The following KDM3B variants were observed in gnomAD, a reference collection of about 807,000 sequenced individuals.
The protein encoded by KDM3B is lysine demethylase 3B, also known as lysine-specific demethylase 3B.
Under a neutral mutation model 170.0 loss-of-function variants are expected in KDM3B, and 10 were observed. The observed-to-expected ratio is 0.06, with a 90% CI of 0.04 to 0.10. The LOEUF (loss-of-function observed/expected upper bound fraction) is 0.10. Among genes scored for constraint, KDM3B ranks in the 10% least tolerant of loss-of-function variants. The pLI, the probability that KDM3B is intolerant of heterozygous loss-of-function variation, is 1.00. For missense variants in KDM3B, 1,394 were observed against 2,195.2 expected (o/e 0.64, Z 7.29); for synonymous variants, 831 against 834.8 (o/e 1.00, Z 0.08).
At chr5:138,375,234 C>G (rs761527411) in intron 3 of KDM3B, 28 bp downstream of exon 3, 1 of 1,460,924 alleles carries the variant, frequency 6.8e-7, no homozygotes, top group South Asian at 1.2e-5. Context: ...TAGTCTTGAG[C>G]CTATTATTTT....
chr5:138,406,480 C>T (rs892611203), intron 11 of KDM3B, among the ~76,000 whole-genome samples: 2 of 152,120 alleles, frequency 1.3e-5, no homozygotes, highest in African/African-American at 4.8e-5. Flanking sequence ...CCTGTCTCTA[C>T]TAAAAATACA....
chr5:138,432,805 C>A (rs73259805), intron 23 of KDM3B, among the ~76,000 whole-genome samples: 2 of 151,812 alleles, frequency 1.3e-5, no homozygotes, highest in African/African-American at 4.8e-5. Context: ...AGTGCAGTGG[C>A]GTGATCTCGG....
At chr5:138,372,158 C>T (rs72803854) in intron 1 of KDM3B, among the ~76,000 whole-genome samples, 26 of 152,214 alleles carry the variant, frequency 1.7e-4, no homozygotes, top group Non-Finnish European at 3.7e-4. Flanking sequence ...AATGGGAGGG[C>T]AATGTTTTTC....
At chr5:138,373,439 T>C (rs1761922552) in intron 2 of KDM3B, among the ~76,000 whole-genome samples, 1 of 152,180 alleles carries the variant, frequency 6.6e-6, no homozygotes, top group African/African-American at 2.4e-5. Flanking sequence ...AGTTTTTTTT[T>C]CAATTATGGA....
chr5:138,393,296 C>T lies in KDM3B; in HGVS notation c.2755C>T (p.Leu919=), dbSNP rs899549364. 1 of 1,614,102 alleles carries T rather than the reference C, an allele frequency of 6.2e-7. No individual in the cohort carries two copies. Among genetic ancestry groups the T allele is most frequent in the African/African-American group, 1.3e-5 (1 of 74,936 alleles). The change falls in exon 9 of 24, where the codon CTG becomes TTG. Residue 919 remains leucine (L), a synonymous_variant. Coordinates refer to ENST00000314358, the MANE Select transcript of KDM3B (RefSeq NM_016604.4). ...TCTGCACAAGTGTCGTGAATGCCGCCTGGAGCGGTACCGGAAGTTTAAGGA... is the reference window on the plus strand; with the variant it reads ...TCTGCACAAGTGTCGTGAATGCCGCTTGGAGCGGTACCGGAAGTTTAAGGA... ...PHLHKCRECR[L]ERYRKFKEQE... is the part of the protein sequence containing the mutation.
Position 138,392,734 on chromosome 5 carries a change from C to T in KDM3B, c.2630-437C>T, listed in dbSNP as rs182437908. ...GGATTTTAACAGCTCTATCAAAATC[C>T]ATTAACTTGTGTGGTGTGAGGTTAT... On this transcript the variant is annotated intron_variant, in intron 8 of 23. Coordinates refer to ENST00000314358, the MANE Select transcript of KDM3B (RefSeq NM_016604.4). 1.4e-4 allele frequency among the ~76,000 whole-genome samples: 22 copies of T among 152,212 alleles called. 1 individual carries two copies. The highest frequency in any genetic ancestry group is 3.9e-4 in the African/African-American group (16 of 41,524).
intron 23 of KDM3B, among the ~76,000 whole-genome samples, chr5:138,434,201 G>A (rs760769555): frequency 3.9e-5 from 6 of 152,050 alleles, no homozygotes; most frequent in Non-Finnish European, 8.8e-5. Flanking sequence ...AAGCTCTCGT[G>A]ACCTATGATC....
At chr5:138,400,148 T>C (rs1762645771) in intron 11 of KDM3B, 136 bp downstream of exon 11, 1 of 777,244 alleles carries the variant, frequency 1.3e-6, no homozygotes, top group African/African-American at 1.7e-5. Flanking sequence ...TTTGTTGTAT[T>C]TTAAGACCTT....
At chr5:138,408,539 A>G (rs993265066) in intron 11 of KDM3B, among the ~76,000 whole-genome samples, 1 of 152,136 alleles carries the variant, frequency 6.6e-6, no homozygotes, top group Non-Finnish European at 1.5e-5. Flanking sequence ...CTTTCAGAAA[A>G]TGGGAGGAAG....
In KDM3B at chr5:138,398,298, A is replaced by G. The variant is rs762327017; in HGVS notation, c.2952A>G (p.Leu984=). The change falls in exon 10 of 24, where the codon CTA becomes CTG. Residue 984 remains leucine, a synonymous_variant. Transcript: ENST00000314358. ...CCTCCCTAGCAGAAGGGATAGATCT[A>G]GAGACCTCAAAATACATCCTGGCCA... ...PSSSLAEGID[L]ETSKYILANV... 4.3e-6 allele frequency: 7 copies of G among 1,614,070 alleles called. No individual in the cohort carries two copies. The highest frequency in any genetic ancestry group is 2.7e-5 in the African/African-American group (2 of 74,932).
chr5:138,405,699 T>C (rs1416865470), intron 11 of KDM3B, among the ~76,000 whole-genome samples: 1 of 152,172 alleles, frequency 6.6e-6, no homozygotes, highest in Non-Finnish European at 1.5e-5. Flanking sequence ...TGAGTAAATA[T>C]AAAAGATCTC....
At position 138,398,207 on chromosome 5, in the gene KDM3B, G is replaced by A. The variant is rs746631093; in HGVS notation, c.2861G>A (p.Arg954His). Residue 954 changes from arginine (R) to histidine (H), a missense_variant, in exon 10 of 24, where the codon CGT becomes CAT. Physicochemically the swap from Arg to His is conservative, Grantham distance 29. Around this residue, in one of 19 missense-constraint regions of KDM3B, gnomAD observed 76 missense variants for 190.2 expected, o/e 0.40. Transcript: ENST00000314358. Reference protein sequence around the residue: ...RLIFTRKGVLRVEGFLSPQQS... With the variant: ...RLIFTRKGVLHVEGFLSPQQS... ...ATCTTCACTCGAAAAGGGGTACTCC[G>A]TGTGGAGGGGTTTTTAAGCCCCCAG... The A allele has an allele frequency of 1.2e-5, 19 of 1,613,880 alleles. No homozygotes were observed. The highest frequency in any genetic ancestry group is 2.2e-5 in the South Asian group (2 of 91,068).
chr5:138,369,878 G>A (rs547829311), intron 1 of KDM3B, among the ~76,000 whole-genome samples: 1 of 152,308 alleles, frequency 6.6e-6, no homozygotes, highest in African/African-American at 2.4e-5. Flanking sequence ...TAAGAAAGAT[G>A]TGTCATATCA....
At position 138,352,822 on chromosome 5, in the gene KDM3B, G is replaced by A; in HGVS notation, c.27G>A (p.Val9=). Residue 9 remains valine, a synonymous_variant, in exon 1 of 24, where the codon GTG becomes GTA. Coordinates refer to ENST00000314358, the MANE Select transcript of KDM3B (RefSeq NM_016604.4). MADAAASP[V]GKRLLLLFAD... ...TGGCGGACGCGGCGGCCTCCCCGGT[G>A]GGCAAGCGGCTGCTGCTGCTGTTCG... The A allele has an allele frequency of 7.5e-7, 1 of 1,336,670 alleles. No homozygotes were observed. The highest frequency in any genetic ancestry group is 9.6e-7 in the Non-Finnish European group (1 of 1,040,988). 82.8% of individuals were successfully genotyped at this position (1,336,670 alleles called of 1,614,324 possible).
At chr5:138,412,351 T>C (rs897173405) in intron 11 of KDM3B, among the ~76,000 whole-genome samples, 2 of 148,678 alleles carry the variant, frequency 1.3e-5, no homozygotes, top group Admixed American at 6.7e-5. Flanking sequence ...AAAAAAGACA[T>C]GTTTAAGAAA....
chr5:138,376,124 C>A (rs965143475), intron 3 of KDM3B, among the ~76,000 whole-genome samples: 2 of 152,000 alleles, frequency 1.3e-5, no homozygotes, highest in Admixed American at 6.6e-5. Flanking sequence ...ATCAAAGGCA[C>A]ATGCTATCAC....
intron 6 of KDM3B, 176 bp downstream of exon 6, chr5:138,381,766 AAG>A: frequency 1.8e-6 from 1 of 547,914 alleles, no homozygotes; most frequent in Non-Finnish European, 3.3e-6. Context: ...ATTCTCAAGA[AAG>A]AGACCTAGTT....
chr5:138,369,129 A>G (rs368147838), intron 1 of KDM3B, among the ~76,000 whole-genome samples: 2 of 152,000 alleles, frequency 1.3e-5, no homozygotes, highest in East Asian at 3.9e-4. Context: ...TGGAACCTCA[A>G]CCTCTGGTTT....
At chr5:138,365,973 G>A (rs1761735470) in intron 1 of KDM3B, among the ~76,000 whole-genome samples, 1 of 152,072 alleles carries the variant, frequency 6.6e-6, no homozygotes, top group Non-Finnish European at 1.5e-5. Context: ...ACTCTAGCCT[G>A]GGTGACAGAG....
Sources: allele counts gnomAD v4.1 joint callset (sites outside exome capture counted in the v4.1 genomes callset), GRCh38; gene constraint gnomAD v4.1.1; regional missense constraint gnomAD v4.1.1; transcripts MANE v1.5; gene names NCBI Gene and HGNC (gene_info 2026-07-23, HGNC 2026-07-21).